Variants in TGFA observed in about 807,000 individuals in gnomAD.
TGFA encodes the protein transforming growth factor alpha, also known as protransforming growth factor alpha.
Under a neutral mutation model 21.7 loss-of-function variants are expected in TGFA, and 12 were observed. The ratio of observed to expected loss-of-function variants is 0.55; its 90% CI spans 0.35 to 0.90. The LOEUF (loss-of-function observed/expected upper bound fraction) is 0.90. Ranked by LOEUF, TGFA falls within the 40% of genes least tolerant of loss-of-function variation. TGFA has a pLI of 0.01. For synonymous variants in TGFA, 79 were observed against 88.1 expected, an observed-to-expected ratio of 0.90 and a Z score of 0.58; for missense variants, 178 against 210.8, an observed-to-expected ratio of 0.84 and a Z score of 0.96.
At chr2:70,467,216 A>T (rs1251507086) in intron 2 of TGFA, among the ~76,000 whole-genome samples, 3 of 152,236 alleles carry the variant, frequency 2.0e-5, no homozygotes, top group African/African-American at 7.2e-5. Flanking sequence ...TAATTTTAAA[A>T]AAAAGATTAC....
At chr2:70,540,033 C>T (rs1574146840) in intron 1 of TGFA, among the ~76,000 whole-genome samples, 1 of 152,246 alleles carries the variant, frequency 6.6e-6, no homozygotes, top group South Asian at 2.1e-4. Context: ...ACACTAAGTT[C>T]CAGAAACAAT....
At chr2:70,523,382 T>C (rs1672536372) in intron 1 of TGFA, among the ~76,000 whole-genome samples, 1 of 151,842 alleles carries the variant, frequency 6.6e-6, no homozygotes, top group Non-Finnish European at 1.5e-5. Flanking sequence ...CCACAAGGAG[T>C]TTACAATCCA....
At chr2:70,509,263 A>C (rs546812501) in intron 2 of TGFA, among the ~76,000 whole-genome samples, 2 of 152,216 alleles carry the variant, frequency 1.3e-5, no homozygotes, top group Non-Finnish European at 2.9e-5. Context: ...AGCAGTTTGC[A>C]GTTCTGAAAA....
chr2:70,455,936 ATGTATTTGCAAAGTGACT>A (rs1384388472), intron 4 of TGFA, among the ~76,000 whole-genome samples: 4 of 152,256 alleles, frequency 2.6e-5, no homozygotes, highest in Admixed American at 1.3e-4. Context: ...GGCCCTCGAC[ATGTATTTGCAAAGTGACT>A]TCTGCAGAGA....
At chr2:70,518,334 A>G (rs564578799) in intron 1 of TGFA, among the ~76,000 whole-genome samples, 4 of 152,346 alleles carry the variant, frequency 2.6e-5, no homozygotes, top group South Asian at 4.1e-4. Flanking sequence ...GGAAAACCAC[A>G]TGCAACGGAA....
chr2:70,470,061 C>T (rs1018695335), intron 2 of TGFA, among the ~76,000 whole-genome samples: 4 of 150,154 alleles, frequency 2.7e-5, no homozygotes, highest in Non-Finnish European at 4.4e-5. Flanking sequence ...AGGAGAGAGA[C>T]GGGAGAGAGG....
At chr2:70,533,137 C>A (rs1281602457) in intron 1 of TGFA, among the ~76,000 whole-genome samples, 2 of 152,122 alleles carry the variant, frequency 1.3e-5, no homozygotes, top group Non-Finnish European at 2.9e-5. Context: ...GCTGGGATTA[C>A]AGGCGTGAGC....
At chr2:70,500,399 A>G (rs1671702973) in intron 2 of TGFA, among the ~76,000 whole-genome samples, 2 of 152,176 alleles carry the variant, frequency 1.3e-5, no homozygotes, top group South Asian at 2.1e-4. Flanking sequence ...TCTCTCCCCA[A>G]ACAACATCCT....
intron 2 of TGFA, among the ~76,000 whole-genome samples, chr2:70,510,594 A>G (rs184018523): frequency 1.6e-3 from 247 of 152,292 alleles, no homozygotes; most frequent in Middle Eastern, 3.4e-3. Flanking sequence ...GAAAAAACTG[A>G]GACCAAATGG....
Position 70,529,526 on chromosome 2 carries a change from C to T in TGFA, c.41-14614G>A, listed in dbSNP as rs150948505. On this transcript the variant is annotated intron_variant, in intron 1 of 5. Transcript: ENST00000295400. ...ACATCTGACACAGGCCTGAATAAAACGAGGGAGCCAGATCTGGAAATATCT... is the reference window on the plus strand; with the variant it reads ...ACATCTGACACAGGCCTGAATAAAATGAGGGAGCCAGATCTGGAAATATCT... Among the ~76,000 whole-genome samples, 192 of 151,218 alleles carry T rather than the reference C, an allele frequency of 1.3e-3. 2 individuals carry two copies. Among genetic ancestry groups the T allele is most frequent in the Non-Finnish European group, 1.8e-3 (120 of 67,780 alleles).
At chr2:70,549,319 G>A (rs569865022) in intron 1 of TGFA, among the ~76,000 whole-genome samples, 6 of 152,132 alleles carry the variant, frequency 3.9e-5, no homozygotes, top group African/African-American at 7.2e-5. Context: ...GCGTCTGAAC[G>A]TACTTTAGGT....
chr2:70,469,953 C>T (rs1369970066), intron 2 of TGFA, among the ~76,000 whole-genome samples: 5 of 152,108 alleles, frequency 3.3e-5, no homozygotes. Context: ...GATACCTTTG[C>T]CTCTTTTTAT....
intron 2 of TGFA, among the ~76,000 whole-genome samples, chr2:70,486,462 T>C (rs1553496686): frequency 6.6e-6 from 1 of 151,984 alleles, no homozygotes; most frequent in East Asian, 1.9e-4. Flanking sequence ...TTGTGTTTTT[T>C]GTTTGTTTGT....
intron 1 of TGFA, among the ~76,000 whole-genome samples, chr2:70,518,724 C>T (rs1672362209): frequency 6.6e-6 from 1 of 152,180 alleles, no homozygotes; most frequent in Non-Finnish European, 1.5e-5. Context: ...CACCCATTGG[C>T]CTGGTGACCA....
intron 2 of TGFA, among the ~76,000 whole-genome samples, chr2:70,481,122 C>T: frequency 6.6e-6 from 1 of 152,112 alleles, no homozygotes; most frequent in East Asian, 1.9e-4. Flanking sequence ...AGAAATGAAG[C>T]CCTAAGGGTC....
chr2:70,465,828 C>T (rs1489668049), intron 2 of TGFA, 92 bp from the exon 3 acceptor site: 18 of 1,554,132 alleles, frequency 1.2e-5, no homozygotes, highest in Non-Finnish European at 1.6e-5. Context: ...AGGTGGAGCC[C>T]CTGATGGCTG....
intron 1 of TGFA, among the ~76,000 whole-genome samples, chr2:70,542,405 T>C (rs996679208): frequency 8.5e-5 from 13 of 152,106 alleles, no homozygotes; most frequent in African/African-American, 2.7e-4. Context: ...CCTAGGAGAA[T>C]TGTTTACTGA....
At chr2:70,495,650 C>T (rs1671551746) in intron 2 of TGFA, among the ~76,000 whole-genome samples, 2 of 152,130 alleles carry the variant, frequency 1.3e-5, no homozygotes, top group Non-Finnish European at 2.9e-5. Context: ...CTATATTTTA[C>T]AACTATTTTG....
At chr2:70,550,457 A>G (rs1219721835) in intron 1 of TGFA, among the ~76,000 whole-genome samples, 1 of 151,566 alleles carries the variant, frequency 6.6e-6, no homozygotes, top group African/African-American at 2.4e-5. Context: ...TGCATAAAAA[A>G]TTAAATAATT....
Sources: gnomAD v4.1 joint callset for allele counts (sites outside exome capture counted in the v4.1 genomes callset) on GRCh38, gnomAD v4.1.1 for gene constraint, MANE v1.5 for transcripts, NCBI Gene and HGNC (gene_info 2026-07-23, HGNC 2026-07-21) for gene names.